The following GRID2 variants were observed in gnomAD, a reference collection of about 807,000 sequenced individuals.
GRID2 encodes the protein glutamate receptor ionotropic, delta-2.
Under a neutral mutation model 114.8 loss-of-function variants are expected in GRID2, and 33 were observed. That is an observed-to-expected ratio of 0.29 (90% CI 0.22 to 0.38). GRID2 has a LOEUF of 0.38. GRID2 is among the 10% of genes least tolerant of loss of function. The pLI is 1.00. For missense variants in GRID2, 1,184 were observed against 1,257.7 expected, an observed-to-expected ratio of 0.94 and a Z score of 0.89; for synonymous variants, 505 against 449.9, an observed-to-expected ratio of 1.12 and a Z score of -1.55.
intron 9 of GRID2, among the ~76,000 whole-genome samples, chr4:93,407,977 ATG>A (rs1470155325): frequency 6.6e-6 from 1 of 152,082 alleles, no homozygotes; most frequent in African/African-American, 2.4e-5. Flanking sequence ...ATGTAGAGTA[ATG>A]TACTTTGCAA....
At chr4:93,483,140 A>T (rs535929317) in intron 11 of GRID2, among the ~76,000 whole-genome samples, 1 of 152,108 alleles carries the variant, frequency 6.6e-6, no homozygotes, top group Non-Finnish European at 1.5e-5. Flanking sequence ...TTCCACACAA[A>T]TTCCAACAAT....
At chr4:92,530,508 G>GAAAAAAAAAA (rs70942906) in intron 1 of GRID2, among the ~76,000 whole-genome samples, 3 of 107,236 alleles carry the variant, frequency 2.8e-5, no homozygotes, top group African/African-American at 1.0e-4. Flanking sequence ...GACTAGTACA[G>GAAAAAAAAAA]AAAAAAAAAA....
chr4:92,455,646 G>A (rs1363561288), intron 1 of GRID2, among the ~76,000 whole-genome samples: 1 of 152,122 alleles, frequency 6.6e-6, no homozygotes, highest in African/African-American at 2.4e-5. Context: ...AAGGAAATGA[G>A]GGAGACCATT....
At chr4:92,537,864 G>A (rs1238349990) in intron 1 of GRID2, among the ~76,000 whole-genome samples, 2 of 148,288 alleles carry the variant, frequency 1.3e-5, no homozygotes, top group Non-Finnish European at 3.0e-5. Context: ...AGAATTAGTA[G>A]TAATAAATAA....
intron 2 of GRID2, among the ~76,000 whole-genome samples, chr4:92,981,774 C>T (rs1235136516): frequency 6.6e-6 from 1 of 151,816 alleles, no homozygotes; most frequent in African/African-American, 2.4e-5. Context: ...TCTAAAAACA[C>T]AGCTAATCAA....
intron 1 of GRID2, among the ~76,000 whole-genome samples, chr4:92,511,717 T>C (rs1724260291): frequency 6.6e-6 from 1 of 151,856 alleles, no homozygotes; most frequent in East Asian, 1.9e-4. Context: ...TTGGAGATAG[T>C]AGGAACAAGC....
intron 1 of GRID2, among the ~76,000 whole-genome samples, chr4:92,428,134 T>C (rs548911317): frequency 1.5e-3 from 223 of 151,806 alleles, no homozygotes; most frequent in Non-Finnish European, 2.7e-3. Flanking sequence ...TGGTGAGGGG[T>C]GCCTGTAGTC....
At chr4:93,055,509 T>TA (rs1284165930) in intron 2 of GRID2, among the ~76,000 whole-genome samples, 4 of 151,928 alleles carry the variant, frequency 2.6e-5, no homozygotes, top group Admixed American at 1.3e-4. Context: ...CCCTAAAACT[T>TA]AAAGTATAAT....
intron 2 of GRID2, among the ~76,000 whole-genome samples, chr4:92,934,462 C>G (rs201156825): frequency 6.9e-6 from 1 of 145,276 alleles, no homozygotes; most frequent in African/African-American, 2.4e-5. Context: ...ATATACAATC[C>G]CAAGGTAATT....
intron 13 of GRID2, among the ~76,000 whole-genome samples, chr4:93,550,368 T>C (rs1475903671): frequency 2.0e-5 from 3 of 152,194 alleles, no homozygotes; most frequent in African/African-American, 7.2e-5. Flanking sequence ...ACTATAAAAG[T>C]AGACATTGTT....
chr4:93,440,531 T>G (rs908286547), intron 10 of GRID2, among the ~76,000 whole-genome samples: 4 of 152,070 alleles, frequency 2.6e-5, no homozygotes, highest in African/African-American at 7.2e-5. Context: ...GAATACATGT[T>G]TGCACGTCTG....
intron 8 of GRID2, among the ~76,000 whole-genome samples, chr4:93,346,507 G>A (rs1760252269): frequency 6.6e-6 from 1 of 151,976 alleles, no homozygotes; most frequent in Non-Finnish European, 1.5e-5. Flanking sequence ...GTTCCACACT[G>A]ATTGTAGCCC....
chr4:93,722,666 C>T (rs1368676774), intron 14 of GRID2, among the ~76,000 whole-genome samples: 1 of 152,222 alleles, frequency 6.6e-6, no homozygotes, highest in Non-Finnish European at 1.5e-5. Flanking sequence ...TTATGGATCA[C>T]TTCCTGAGAG....
At chr4:93,008,684 G>A (rs1025547429) in intron 2 of GRID2, among the ~76,000 whole-genome samples, 29 of 152,058 alleles carry the variant, frequency 1.9e-4, no homozygotes, top group African/African-American at 6.8e-4. Flanking sequence ...ACTTCCAAAT[G>A]CATTTTACAA....
At chr4:93,572,611 C>G (rs115602849) in intron 13 of GRID2, among the ~76,000 whole-genome samples, 2 of 151,586 alleles carry the variant, frequency 1.3e-5, no homozygotes, top group South Asian at 2.1e-4. Context: ...TTAGCTAGGT[C>G]GAAAAAATGA....
At chr4:92,316,335 G>A (rs902952011) in intron 1 of GRID2, among the ~76,000 whole-genome samples, 1 of 152,112 alleles carries the variant, frequency 6.6e-6, no homozygotes, top group Non-Finnish European at 1.5e-5. Flanking sequence ...CCTTATTAAT[G>A]TGGGTGATGC....
At chr4:92,571,561 C>A (rs1177030411) in intron 1 of GRID2, among the ~76,000 whole-genome samples, 1 of 152,138 alleles carries the variant, frequency 6.6e-6, no homozygotes, top group Non-Finnish European at 1.5e-5. Context: ...ACTCTCCACC[C>A]CAAATCAACA....
At chr4:93,440,790 G>A (rs939743767) in intron 10 of GRID2, among the ~76,000 whole-genome samples, 5 of 152,054 alleles carry the variant, frequency 3.3e-5, no homozygotes, top group Admixed American at 6.6e-5. Context: ...TAAATTTGCA[G>A]GTGATATTTA....
At chr4:93,450,880 A>C (rs566023203) in intron 10 of GRID2, among the ~76,000 whole-genome samples, 42 of 152,056 alleles carry the variant, frequency 2.8e-4, no homozygotes, top group Admixed American at 4.6e-4. Context: ...GTAAGTGTAA[A>C]TATACTGATA....
Sources: gnomAD v4.1 joint callset for allele counts (sites outside exome capture counted in the v4.1 genomes callset) on GRCh38, gnomAD v4.1.1 for gene constraint, MANE v1.5 for transcripts, NCBI Gene and HGNC (gene_info 2026-07-23, HGNC 2026-07-21) for gene names.